Variants in SGF29 observed in about 807,000 individuals in gnomAD.
SGF29 encodes SAGA-associated factor 29.
In SGF29, 15 loss-of-function variants were observed where a neutral mutation model predicts 38.1. That is an observed-to-expected ratio of 0.39 (90% CI 0.26 to 0.61). The LOEUF (loss-of-function observed/expected upper bound fraction) is 0.61, where lower values mean the gene tolerates loss of function less well. SGF29 is among the 20% of genes least tolerant of loss of function. SGF29 has a pLI of 0.49. For missense variants in SGF29, 184 were observed against 394.6 expected (o/e 0.47, Z 4.52); for synonymous variants, 151 against 160.8 (o/e 0.94, Z 0.46).
intron 1 of SGF29, 79 bp downstream of exon 1, chr16:28,554,176 G>T (rs572363675): frequency 2.1e-4 from 32 of 151,854 alleles, no homozygotes; most frequent in African/African-American, 7.0e-4. Flanking sequence ...CCGCGCCGCG[G>T]CTCCCGACCT....
At chr16:28,589,030 A>G (rs2046971261) in intron 4 of SGF29, 70 bp from the exon 5 acceptor site, 6 of 1,571,036 alleles carry the variant, frequency 3.8e-6, no homozygotes, top group Non-Finnish European at 5.3e-6. Context: ...CCCAAAACAG[A>G]AAAAATGGAA....
intron 1 of SGF29, among the ~76,000 whole-genome samples, chr16:28,573,166 C>T (rs1596601880): frequency 6.6e-6 from 1 of 151,990 alleles, no homozygotes. Flanking sequence ...TTTCTTTTGA[C>T]GGATGTACAG....
At chr16:28,589,351 G>T (rs559009446) in intron 5 of SGF29, 187 bp downstream of exon 5, 1 of 587,572 alleles carries the variant, frequency 1.7e-6, no homozygotes, top group Non-Finnish European at 3.0e-6. Flanking sequence ...AGAGGCAGGG[G>T]TTTCCCAGTT....
At chr16:28,578,042 G>T (rs1027934685) in intron 1 of SGF29, among the ~76,000 whole-genome samples, 4 of 151,988 alleles carry the variant, frequency 2.6e-5, no homozygotes, top group African/African-American at 9.7e-5. Context: ...TAGAAGTGGG[G>T]CTCAGGCTCG....
intron 1 of SGF29, among the ~76,000 whole-genome samples, chr16:28,558,248 G>T (rs2046765180): frequency 1.3e-5 from 2 of 151,448 alleles, no homozygotes; most frequent in South Asian, 4.2e-4. Flanking sequence ...TGGGACTACA[G>T]GCATGCACCA....
chr16:28,585,499 G>T (rs569214675), intron 3 of SGF29, 149 bp from the exon 4 acceptor site: 2 of 698,156 alleles, frequency 2.9e-6, no homozygotes, highest in East Asian at 2.7e-5. Flanking sequence ...GGGGGCATCC[G>T]CCTCAGGAGC....
intron 1 of SGF29, among the ~76,000 whole-genome samples, chr16:28,554,576 T>TG (rs1472966560): frequency 2.6e-5 from 4 of 151,932 alleles, no homozygotes; most frequent in African/African-American, 9.7e-5. Flanking sequence ...TCCCAAAGTG[T>TG]GGGGAGTATA....
At chr16:28,563,701 T>G (rs2046803398) in intron 1 of SGF29, among the ~76,000 whole-genome samples, 1 of 151,270 alleles carries the variant, frequency 6.6e-6, no homozygotes, top group Non-Finnish European at 1.5e-5. Flanking sequence ...TGTGTGTTTT[T>G]CTAGAGAAAC....
Position 28,590,196 on chromosome 16 carries a change from G to A in SGF29, c.390G>A (p.Leu130=), listed in dbSNP as rs763714883. Residue 130 remains leucine, a synonymous_variant, in exon 6 of 10, where the codon CTG becomes CTA. Coordinates refer to ENST00000317058, the MANE Select transcript of SGF29 (RefSeq NM_138414.3). The surrounding 1 kb of genome is among the most constrained non-coding windows in gnomAD (Gnocchi z 8.2). ...MTLLQQSAMT[L]PLWIGKPGDK... ...TGCTGCAGCAGTCGGCCATGACCCT[G>A]CCCCTGTGGATCGGGAAGCCTGGTG... The A allele has an allele frequency of 2.5e-6, 4 of 1,611,028 alleles. No individual in the cohort carries two copies. In the Admixed American group the frequency reaches 6.7e-5, roughly 27 times the overall value.
At chr16:28,563,298 C>T (rs539285352) in intron 1 of SGF29, among the ~76,000 whole-genome samples, 1 of 152,230 alleles carries the variant, frequency 6.6e-6, no homozygotes, top group East Asian at 1.9e-4. Context: ...CAAGGGACAT[C>T]AAGGCAGTGG....
intron 1 of SGF29, among the ~76,000 whole-genome samples, chr16:28,577,437 C>T (rs768422159): frequency 3.3e-5 from 5 of 151,776 alleles, no homozygotes; most frequent in East Asian, 1.9e-4. Context: ...TCTATGGATT[C>T]GGCTATTCTG....
chr16:28,585,674 C>T lies in SGF29; in HGVS notation c.178C>T (p.Arg60Cys), dbSNP rs1049141877. 3 of 1,614,186 alleles carry T rather than the reference C, an allele frequency of 1.9e-6. No homozygotes were observed. Among genetic ancestry groups the T allele is most frequent in the Non-Finnish European group, 2.5e-6 (3 of 1,180,020 alleles). Reference sequence around the variant, plus strand: ...TTCTCCCTATTACCGGACAAAGCTGCGTGGCCTCTACACAACCGCCAAGGC... The same window carrying T: ...TTCTCCCTATTACCGGACAAAGCTGTGTGGCCTCTACACAACCGCCAAGGC... The part of the protein sequence containing the change: ...KISPYYRTKL[R>C]GLYTTAKADA... Residue 60 changes from arginine to cysteine, a missense_variant, in exon 4 of 10, where the codon CGT (arginine) becomes TGT (cysteine). Physicochemically the swap from Arg to Cys is radical, Grantham distance 180. Transcript: ENST00000317058.
intron 1 of SGF29, among the ~76,000 whole-genome samples, chr16:28,579,649 G>A (rs1349185531): frequency 6.6e-6 from 1 of 151,806 alleles, no homozygotes; most frequent in Non-Finnish European, 1.5e-5. Context: ...TCCCCATGCT[G>A]GCTGGGCGTG....
chr16:28,566,110 A>G (rs1026153272), intron 1 of SGF29, among the ~76,000 whole-genome samples: 2 of 151,666 alleles, frequency 1.3e-5, no homozygotes, highest in Non-Finnish European at 2.9e-5. Context: ...CGTCTCTACT[A>G]AAAATACAAA....
intron 1 of SGF29, among the ~76,000 whole-genome samples, chr16:28,563,936 A>G (rs2046805020): frequency 6.6e-6 from 1 of 151,998 alleles, no homozygotes; most frequent in Non-Finnish European, 1.5e-5. Context: ...TAGTAGAGAC[A>G]GGGTTTTGCC....
At chr16:28,573,689 G>T (rs1394673001) in intron 1 of SGF29, among the ~76,000 whole-genome samples, 4 of 152,174 alleles carry the variant, frequency 2.6e-5, no homozygotes, top group African/African-American at 9.7e-5. Context: ...TCCCTCTTTA[G>T]GGTGAAGGCA....
chr16:28,577,161 CTG>C (rs1165530124), intron 1 of SGF29, among the ~76,000 whole-genome samples: 1 of 151,794 alleles, frequency 6.6e-6, no homozygotes, highest in Non-Finnish European at 1.5e-5. Context: ...CAGCGAGACT[CTG>C]TCTCATTAAA....
intron 1 of SGF29, among the ~76,000 whole-genome samples, chr16:28,562,955 T>G (rs1198397626): frequency 6.7e-6 from 1 of 149,518 alleles, no homozygotes; most frequent in East Asian, 2.0e-4. Flanking sequence ...TTTAAGGGGC[T>G]TGAAGTCTGA....
chr16:28,555,337 G>T (rs995260737), intron 1 of SGF29, among the ~76,000 whole-genome samples: 1 of 152,028 alleles, frequency 6.6e-6, no homozygotes, highest in Admixed American at 6.6e-5. Context: ...TTAGCCGGGC[G>T]TGGTGGTGCA....
Sources: allele counts gnomAD v4.1 joint callset (sites outside exome capture counted in the v4.1 genomes callset), GRCh38; gene constraint gnomAD v4.1.1; non-coding constraint Gnocchi (gnomAD v3.1); transcripts MANE v1.5; gene names NCBI Gene and HGNC (gene_info 2026-07-23, HGNC 2026-07-21).